CCSER1: variants seen among roughly 807,000 people sequenced by gnomAD.
CCSER1 encodes serine-rich coiled-coil domain-containing protein 1.
A neutral mutation model predicts 82.0 loss-of-function variants in CCSER1; 41 were observed. The ratio of observed to expected loss-of-function variants is 0.50; its 90% CI spans 0.39 to 0.65. CCSER1 has a LOEUF of 0.65. CCSER1 is among the 30% of genes least tolerant of loss of function. The pLI is 0.00. For synonymous variants in CCSER1, 414 were observed against 383.9 expected (o/e 1.08, Z -0.92); for missense variants, 1,119 against 1,064.2 (o/e 1.05, Z -0.72).
intron 9 of CCSER1, among the ~76,000 whole-genome samples, chr4:91,031,708 G>A (rs1052293676): frequency 1.3e-5 from 2 of 151,938 alleles, no homozygotes; most frequent in African/African-American, 4.8e-5. Flanking sequence ...GGTTTTCTGA[G>A]AATTAAATTT....
At chr4:90,848,552 G>A (rs1044477955) in intron 8 of CCSER1, among the ~76,000 whole-genome samples, 1 of 152,096 alleles carries the variant, frequency 6.6e-6, no homozygotes, top group Non-Finnish European at 1.5e-5. Context: ...TTAAGTGTGA[G>A]TTTATTTGAA....
At chr4:90,156,201 C>T (rs934631420) in intron 1 of CCSER1, among the ~76,000 whole-genome samples, 5 of 152,130 alleles carry the variant, frequency 3.3e-5, no homozygotes, top group African/African-American at 7.2e-5. Context: ...GTTTCTTAAT[C>T]CTGAGTTCTA....
At chr4:90,538,536 C>A (rs1455405391) in intron 5 of CCSER1, among the ~76,000 whole-genome samples, 3 of 151,986 alleles carry the variant, frequency 2.0e-5, no homozygotes, top group African/African-American at 4.8e-5. Flanking sequence ...TGCTTGACAA[C>A]TTTGATTTAC....
chr4:91,085,264 T>G (rs2148815027), intron 9 of CCSER1, among the ~76,000 whole-genome samples: 1 of 152,218 alleles, frequency 6.6e-6, no homozygotes, highest in South Asian at 2.1e-4. Flanking sequence ...GTGTGAACAT[T>G]TTTAAATTTG....
intron 10 of CCSER1, among the ~76,000 whole-genome samples, chr4:91,122,616 A>G (rs1561565867): frequency 1.3e-5 from 2 of 151,936 alleles, no homozygotes; most frequent in East Asian, 1.9e-4. Flanking sequence ...ACCCCAACTC[A>G]TCACTATAAA....
chr4:91,276,250 G>A (rs1581889442), intron 10 of CCSER1, among the ~76,000 whole-genome samples: 1 of 144,002 alleles, frequency 6.9e-6, no homozygotes, highest in African/African-American at 2.5e-5. Flanking sequence ...TCTTTGGGTA[G>A]TATAGTTACA....
At chr4:91,037,987 T>C (rs1436733828) in intron 9 of CCSER1, among the ~76,000 whole-genome samples, 1 of 152,170 alleles carries the variant, frequency 6.6e-6, no homozygotes, top group African/African-American at 2.4e-5. Context: ...GAATATACAT[T>C]GCTTTTGTAA....
At chr4:91,252,305 A>C (rs1163847957) in intron 10 of CCSER1, among the ~76,000 whole-genome samples, 1 of 152,168 alleles carries the variant, frequency 6.6e-6, no homozygotes, top group African/African-American at 2.4e-5. Flanking sequence ...TCTTATCACT[A>C]TACCTACTTA....
intron 10 of CCSER1, among the ~76,000 whole-genome samples, chr4:91,457,961 A>G (rs115780325): frequency 0.013 from 1,911 of 152,270 alleles, 45 homozygotes; most frequent in African/African-American, 0.043. Flanking sequence ...GTTATTTTCA[A>G]TGAATATTTA....
At chr4:91,547,244 T>A (rs1477395195) in intron 10 of CCSER1, among the ~76,000 whole-genome samples, 1 of 152,186 alleles carries the variant, frequency 6.6e-6, no homozygotes, top group Admixed American at 6.5e-5. Context: ...CTAAGTTTAG[T>A]AATGTCCTTA....
intron 6 of CCSER1, among the ~76,000 whole-genome samples, chr4:90,665,310 T>C (rs1448314728): frequency 6.7e-6 from 1 of 149,212 alleles, no homozygotes; most frequent in Non-Finnish European, 1.5e-5. Context: ...GACTGAAACA[T>C]ATGCTGAGAT....
intron 9 of CCSER1, among the ~76,000 whole-genome samples, chr4:91,051,965 G>A (rs1743043943): frequency 6.6e-6 from 1 of 151,942 alleles, no homozygotes; most frequent in African/African-American, 2.4e-5. Context: ...ACCACAGTAA[G>A]GGCAGTAAGC....
intron 6 of CCSER1, among the ~76,000 whole-genome samples, chr4:90,712,541 G>A (rs749048615): frequency 1.7e-4 from 26 of 152,124 alleles, no homozygotes; most frequent in East Asian, 7.7e-4. Flanking sequence ...TTGCTGAGGC[G>A]TGTTTTACTT....
chr4:90,226,749 A>G (rs1273511532), intron 1 of CCSER1, among the ~76,000 whole-genome samples: 1 of 152,184 alleles, frequency 6.6e-6, no homozygotes, highest in Non-Finnish European at 1.5e-5. Flanking sequence ...TTCAAGAAAG[A>G]GCTTGTTCTT....
intron 9 of CCSER1, among the ~76,000 whole-genome samples, chr4:91,013,293 A>G (rs1739147932): frequency 7.5e-6 from 1 of 133,378 alleles, no homozygotes; most frequent in African/African-American, 2.5e-5. Flanking sequence ...GTAAATATTT[A>G]GTTTTCCAGA....
chr4:91,556,369 T>C (rs1019132814), intron 10 of CCSER1, among the ~76,000 whole-genome samples: 2 of 150,888 alleles, frequency 1.3e-5, no homozygotes, highest in African/African-American at 2.4e-5. Flanking sequence ...TTAATAAACT[T>C]AAAGAACACA....
At chr4:91,459,640 G>GA (rs1334210894) in intron 10 of CCSER1, among the ~76,000 whole-genome samples, 4 of 151,638 alleles carry the variant, frequency 2.6e-5, no homozygotes, top group Non-Finnish European at 2.9e-5. Flanking sequence ...AAGTTCTTGG[G>GA]AAAAAAAATG....
chr4:90,491,747 A>G (rs1326237856), intron 5 of CCSER1, among the ~76,000 whole-genome samples: 1 of 152,154 alleles, frequency 6.6e-6, no homozygotes, highest in Non-Finnish European at 1.5e-5. Flanking sequence ...ATTTTGTCAA[A>G]GGCCTTTTCT....
chr4:91,341,761 T>C (rs1747734362), intron 10 of CCSER1, among the ~76,000 whole-genome samples: 1 of 152,216 alleles, frequency 6.6e-6, no homozygotes, highest in African/African-American at 2.4e-5. Flanking sequence ...CAGTCTGGTC[T>C]CTTGACCTCA....
Sources: gnomAD v4.1 joint callset for allele counts (sites outside exome capture counted in the v4.1 genomes callset) on GRCh38, gnomAD v4.1.1 for gene constraint, MANE v1.5 for transcripts, NCBI Gene and HGNC (gene_info 2026-07-23, HGNC 2026-07-21) for gene names.